Variants in PEX26 observed in about 807,000 individuals in gnomAD.
PEX26 encodes peroxisomal biogenesis factor 26.
A neutral mutation model predicts 31.4 loss-of-function variants in PEX26; 18 were observed. That is an observed-to-expected ratio of 0.57 (90% CI 0.40 to 0.85). The LOEUF (loss-of-function observed/expected upper bound fraction) is 0.85, where lower values mean the gene tolerates loss of function less well. Ranked by LOEUF, PEX26 falls within the 40% of genes least tolerant of loss-of-function variation. The probability of loss-of-function intolerance (pLI) is 0.00; values close to 1 mark genes in which losing one functional copy is unlikely to be tolerated. For missense variants in PEX26, 377 were observed against 383.9 expected, an observed-to-expected ratio of 0.98 and a Z score of 0.15; for synonymous variants, 176 against 166.9, an observed-to-expected ratio of 1.05 and a Z score of -0.42.
In PEX26 at chr22:18,096,251, G is replaced by A. The variant is rs1047248886; in HGVS notation, c.*8176G>A. ...AAAACACTGAAAAGGTGCATAGCAT[G>A]TAGTGAGCAGGTGCTAGTTATTATT... On this transcript the variant is annotated 3_prime_UTR_variant, in exon 5 of 5. Transcript: ENST00000399744. 1 of 152,230 alleles carries A rather than the reference G, an allele frequency of 6.6e-6. No homozygotes were observed. Among genetic ancestry groups the A allele is most frequent in the East Asian group, 1.9e-4 (1 of 5,200 alleles). The allele number at this position is 152,230 out of a possible 1,614,324, so 9.4% of individuals were successfully genotyped here.
At chr22:18,082,748 G>A (rs1200466233) in intron 2 of PEX26, among the ~76,000 whole-genome samples, 1 of 152,162 alleles carries the variant, frequency 6.6e-6, no homozygotes, top group Non-Finnish European at 1.5e-5. Context: ...AATGCCATTG[G>A]TGTTTTGATA....
rs1927358557 is a variant in PEX26 at position 18,098,466 on chromosome 22, T to G, written c.*10391T>G. 6.6e-6 allele frequency: 1 copy of G among 150,938 alleles called. No individual in the cohort carries two copies. 9.3% of individuals were successfully genotyped at this position (150,938 alleles called of 1,614,324 possible). On this transcript the variant is annotated 3_prime_UTR_variant, in exon 5 of 5. Coordinates refer to ENST00000399744, the MANE Select transcript of PEX26 (RefSeq NM_001127649.3). ...CAACATGATGAAACCCCACCTCTACTAAAAATACAAAAATTAGCTGGGTGT... is the reference window on the plus strand; with the variant it reads ...CAACATGATGAAACCCCACCTCTACGAAAAATACAAAAATTAGCTGGGTGT...
rs1927498561 is a variant in PEX26 at position 18,103,005 on chromosome 22, A to G, written c.*14930A>G. On this transcript the variant is annotated 3_prime_UTR_variant, in exon 5 of 5. Coordinates refer to ENST00000399744, the MANE Select transcript of PEX26 (RefSeq NM_001127649.3). ...GAGGCTGAGGCAGGAGAATTGCTTG[A>G]ACCCAGGAGGCAGAGGTGGCAGTGA... is the stretch of plus-strand genomic sequence containing the variant. The G allele has an allele frequency of 6.8e-6, 1 of 146,674 alleles. No homozygotes were observed. Among genetic ancestry groups the G allele is most frequent in the Non-Finnish European group, 1.5e-5 (1 of 67,242 alleles). The allele number at this position is 146,674 out of a possible 1,614,324, so 9.1% of individuals were successfully genotyped here.
In PEX26 at chr22:18,101,753, G is replaced by T. The variant is rs1927456822; in HGVS notation, c.*13678G>T. 4.3e-6 allele frequency: 1 copy of T among 234,280 alleles called. No individual in the cohort carries two copies. The allele number at this position is 234,280 out of a possible 1,614,324, so 14.5% of individuals were successfully genotyped here. A position where few individuals can be genotyped will look rare whatever the true frequency, so the allele number is the denominator to read the frequency against. ...ATTACAATGGCCTCATCCTGCATGT[G>T]GGCAAGTCAGCTCTCTGATGGATGG... On this transcript the variant is annotated 3_prime_UTR_variant, in exon 5 of 5. Transcript: ENST00000399744.
In PEX26 at chr22:18,085,230, CTGTCTCCTGG is replaced by C. The variant is rs1926794975; in HGVS notation, c.789_798del (p.Cys263TrpfsTer2). On this transcript the variant is annotated frameshift_variant, in exon 4 of 5. Coordinates refer to ENST00000399744, the MANE Select transcript of PEX26 (RefSeq NM_001127649.3). LOFTEE classifies it high-confidence loss of function. ...AGAGTCTCCTGGCTGCCTTGATCCT[CTGTCTCCTGG>C]TGGTGAGATTTGATCCAGGTAAGAG... The C allele has an allele frequency of 6.2e-7, 1 of 1,614,024 alleles. No homozygotes were observed. The highest frequency in any genetic ancestry group is 8.5e-7 in the Non-Finnish European group (1 of 1,180,020).
chr22:18,095,681 C>T lies in PEX26; in HGVS notation c.*7606C>T, dbSNP rs1038876344. ...AAAAGATGTGCTCTATTAATCCTCC[C>T]AGGAAACATATTTTGCAAAAGCCTT... On this transcript the variant is annotated 3_prime_UTR_variant, in exon 5 of 5. Transcript: ENST00000399744. 1 of 148,010 alleles carries T rather than the reference C, an allele frequency of 6.8e-6. No individual in the cohort carries two copies. Among genetic ancestry groups the T allele is most frequent in the East Asian group, 2.0e-4 (1 of 5,016 alleles). 9.2% of individuals were successfully genotyped at this position (148,010 alleles called of 1,614,324 possible).
chr22:18,082,036 T>TGAG (rs906420185), intron 2 of PEX26, among the ~76,000 whole-genome samples: 4 of 149,568 alleles, frequency 2.7e-5, no homozygotes, highest in Non-Finnish European at 5.9e-5. Context: ...AAATGTCTGT[T>TGAG]GAGGTCTTTT....
chr22:18,081,667 G>T, intron 2 of PEX26: 1 of 170,214 alleles, frequency 5.9e-6, no homozygotes, highest in South Asian at 1.1e-4. Context: ...ATTTGGGGGT[G>T]GGCAGGCAGC....
chr22:18,083,452 C>T lies in PEX26; in HGVS notation c.387C>T (p.Ser129=). 6.2e-7 allele frequency: 1 copy of T among 1,613,974 alleles called. No individual in the cohort carries two copies. The highest frequency in any genetic ancestry group is 8.5e-7 in the Non-Finnish European group (1 of 1,180,020). ...KVLELCILLY[S]KMQEPGAVLD... The stretch of plus-strand genomic sequence containing the variant: ...GGGACTGCAGCATTCTTTTATACAG[C>T]AAAATGCAAGAGCCTGGAGCTGTGC... Residue 129 remains serine (S), a synonymous_variant, in exon 3 of 5, where the codon AGC becomes AGT. Transcript: ENST00000399744.
At chr22:18,081,247 C>CACATAATATACATATATGTACACATAT (rs1926583590) in intron 2 of PEX26, among the ~76,000 whole-genome samples, 1 of 33,828 alleles carries the variant, frequency 3.0e-5, no homozygotes, top group South Asian at 8.1e-4. Flanking sequence ...TACACATATA[C>CACATAATATACATATATGTACACATAT]ACACACACAC....
intron 2 of PEX26, 118 bp from the exon 3 acceptor site, chr22:18,083,319 G>T (rs1006076235): frequency 3.9e-6 from 4 of 1,012,962 alleles, no homozygotes; most frequent in Middle Eastern, 3.0e-4. Flanking sequence ...CATCGGAAAG[G>T]GCTCGAGGAC....
rs62641228 is a variant in PEX26 at position 18,079,935 on chromosome 22, C to T, written c.292C>T (p.Arg98Trp). The change falls in exon 2 of 5, where the codon CGG becomes TGG. Residue 98 changes from arginine to tryptophan, a missense_variant. Physicochemically the swap from Arg to Trp is moderately radical, Grantham distance 101. Coordinates refer to ENST00000399744, the MANE Select transcript of PEX26 (RefSeq NM_001127649.3). ...VGIQALAEMD[R>W]WQEVLSWVLQ... ...GATCCAGGCCCTGGCAGAAATGGATCGGTGGCAAGAAGTCCTCTCCTGGGT... is the reference window on the plus strand; with the variant it reads ...GATCCAGGCCCTGGCAGAAATGGATTGGTGGCAAGAAGTCCTCTCCTGGGT... The T allele has an allele frequency of 8.7e-5, 140 of 1,613,974 alleles. No individual in the cohort carries two copies. The highest frequency in any genetic ancestry group is 1.1e-4 in the Non-Finnish European group (129 of 1,179,994).
Position 18,103,683 on chromosome 22 carries a change from C to G in PEX26, c.*15608C>G, listed in dbSNP as rs1041724616. 1 of 152,328 alleles carries G rather than the reference C, an allele frequency of 6.6e-6. No individual in the cohort carries two copies. Among genetic ancestry groups the G allele is most frequent in the Admixed American group, 6.5e-5 (1 of 15,270 alleles). The allele number at this position is 152,328 out of a possible 1,614,324, so 9.4% of individuals were successfully genotyped here. The stretch of plus-strand genomic sequence containing the variant: ...GTGGCCCTCCACCCTGCCCACAGCC[C>G]GGCCAGCTCAGCCCCGTCTCTGTCC... On this transcript the variant is annotated 3_prime_UTR_variant, in exon 5 of 5. Coordinates refer to ENST00000399744, the MANE Select transcript of PEX26 (RefSeq NM_001127649.3).
At chr22:18,080,356 G>A (rs749912626) in intron 2 of PEX26, among the ~76,000 whole-genome samples, 16 of 151,788 alleles carry the variant, frequency 1.1e-4, no homozygotes, top group Non-Finnish European at 2.4e-4. Flanking sequence ...TTGAGACGGA[G>A]TCTCGCCCTG....
chr22:18,078,385 C>G lies in PEX26; in HGVS notation c.9C>G (p.Ser3Arg). The G allele has an allele frequency of 6.3e-7, 1 of 1,599,718 alleles. No individual in the cohort carries two copies. The highest frequency in any genetic ancestry group is 8.5e-7 in the Non-Finnish European group (1 of 1,174,280). The change falls in exon 1 of 5, where the codon AGC (serine) becomes AGG (arginine). Residue 3 changes from serine to arginine, a missense_variant. By Grantham distance (110) the Ser-to-Arg change is moderately radical. Coordinates refer to ENST00000399744, the MANE Select transcript of PEX26 (RefSeq NM_001127649.3). MKSDSSTSAAPLR... is the reference protein window; with the variant it reads MKRDSSTSAAPLR... ...TTGGACCCGGACTCGTTATGAAGAG[C>G]GATTCTTCGACCTCTGCAGCCCCCC...
At chr22:18,086,037 C>A (rs577565245) in intron 4 of PEX26, among the ~76,000 whole-genome samples, 4 of 152,280 alleles carry the variant, frequency 2.6e-5, no homozygotes, top group South Asian at 2.1e-4. Flanking sequence ...GTGGCTCACA[C>A]CTGTAATCCC....
At chr22:18,081,608 A>C (rs367680770) in intron 2 of PEX26, 2 of 166,646 alleles carry the variant, frequency 1.2e-5, no homozygotes, top group East Asian at 3.8e-4. Context: ...ACTTGGCACA[A>C]CTTGCTTAGG....
chr22:18,104,028 A>G lies in PEX26; in HGVS notation c.*15953A>G, dbSNP rs1471933681. 6.6e-6 allele frequency: 1 copy of G among 152,116 alleles called. No homozygotes were observed. The highest frequency in any genetic ancestry group is 1.5e-5 in the Non-Finnish European group (1 of 68,042). 9.4% of individuals were successfully genotyped at this position (152,116 alleles called of 1,614,324 possible). ...GGTCCAGAAAGATTGGGTACTTTGC[A>G]ATACTCATAGCAATATGTGAAGTGA... On this transcript the variant is annotated 3_prime_UTR_variant, in exon 5 of 5. Coordinates refer to ENST00000399744, the MANE Select transcript of PEX26 (RefSeq NM_001127649.3).
Position 18,104,058 on chromosome 22 carries a change from A to G in PEX26, c.*15983A>G. The G allele has an allele frequency of 6.6e-6, 1 of 152,118 alleles. No individual in the cohort carries two copies. 9.4% of individuals were successfully genotyped at this position (152,118 alleles called of 1,614,324 possible). On this transcript the variant is annotated 3_prime_UTR_variant, in exon 5 of 5. Transcript: ENST00000399744. The stretch of plus-strand genomic sequence containing the variant: ...TCATAGCAATATGTGAAGTGATTGG[A>G]AAAAATGAGACTATTCAACCAGTTG...
Sources: gnomAD v4.1 joint callset for allele counts (sites outside exome capture counted in the v4.1 genomes callset) on GRCh38, gnomAD v4.1.1 for gene constraint, MANE v1.5 for transcripts, NCBI Gene and HGNC (gene_info 2026-07-23, HGNC 2026-07-21) for gene names.